The following CADM2 variants were observed in gnomAD, a reference collection of about 807,000 sequenced individuals.
The protein encoded by CADM2 is cell adhesion molecule 2.
In CADM2, 12 loss-of-function variants were observed where a neutral mutation model predicts 49.8. That is an observed-to-expected ratio of 0.24 (90% confidence interval 0.15 to 0.39). CADM2 has a LOEUF of 0.39. Among genes scored for constraint, CADM2 ranks in the 10% least tolerant of loss-of-function variants. CADM2 has a pLI of 1.00. For synonymous variants in CADM2, 214 were observed against 175.4 expected, an observed-to-expected ratio of 1.22 and a Z score of -1.74; for missense variants, 378 against 492.3, an observed-to-expected ratio of 0.77 and a Z score of 2.20.
intron 2 of CADM2, among the ~76,000 whole-genome samples, chr3:85,780,452 T>G (rs2070578658): frequency 6.6e-6 from 1 of 152,210 alleles, no homozygotes; most frequent in African/African-American, 2.4e-5. Flanking sequence ...TGATACTAAC[T>G]TATATGTCAT....
At chr3:85,652,773 T>C (rs958657809) in intron 1 of CADM2, among the ~76,000 whole-genome samples, 1 of 70,882 alleles carries the variant, frequency 1.4e-5, no homozygotes, top group Non-Finnish European at 2.6e-5. Flanking sequence ...TTTTCTTTTC[T>C]TTTTTTTTTT....
At position 85,090,500 on chromosome 3, in the gene CADM2, T is replaced by C. The variant is rs555794243; in HGVS notation, c.61+130832T>C. On this transcript the variant is annotated intron_variant, in intron 1 of 9. Coordinates refer to ENST00000383699, the MANE Select transcript of CADM2 (RefSeq NM_001167675.2). ...CTATGCACTAATAATAATAACAGAA[T>C]AGATACAAAATATTTTTTCTTAGCC... Among the ~76,000 whole-genome samples the C allele has an allele frequency of 2.0e-4, 31 of 152,332 alleles. No homozygotes were observed. The South Asian group carries it at 4.1e-3, about 20-fold the overall frequency.
chr3:85,434,943 T>G (rs1214667146), intron 1 of CADM2, among the ~76,000 whole-genome samples: 1 of 152,152 alleles, frequency 6.6e-6, no homozygotes, highest in African/African-American at 2.4e-5. Flanking sequence ...TACTAGTATA[T>G]AATGATTGTT....
chr3:85,198,277 A>G (rs937369675), intron 1 of CADM2, among the ~76,000 whole-genome samples: 1 of 151,816 alleles, frequency 6.6e-6, no homozygotes, highest in African/African-American at 2.4e-5. Flanking sequence ...ATCAGTTCAC[A>G]TTTTCAAAAT....
chr3:85,168,812 G>T (rs2040541466), intron 1 of CADM2, among the ~76,000 whole-genome samples: 1 of 151,980 alleles, frequency 6.6e-6, no homozygotes, highest in Admixed American at 6.6e-5. Flanking sequence ...GCATTTCTTA[G>T]TGGAATATTA....
At chr3:85,545,799 A>C (rs530473944) in intron 1 of CADM2, among the ~76,000 whole-genome samples, 62 of 152,296 alleles carry the variant, frequency 4.1e-4, no homozygotes, top group African/African-American at 1.4e-3. Context: ...CCTTCTAGGG[A>C]AAAAAGTAAA....
At chr3:85,171,610 A>G (rs1232554406) in intron 1 of CADM2, among the ~76,000 whole-genome samples, 1 of 152,204 alleles carries the variant, frequency 6.6e-6, no homozygotes, top group Non-Finnish European at 1.5e-5. Context: ...CATAATGTAG[A>G]GATCGTGCTC....
chr3:85,987,605 AATTATAATT>A (rs1273409349), intron 8 of CADM2, among the ~76,000 whole-genome samples: 1 of 147,026 alleles, frequency 6.8e-6, no homozygotes, highest in Non-Finnish European at 1.5e-5. Flanking sequence ...TGTTATAATA[AATTATAATT>A]ATTATAATTA....
intron 1 of CADM2, among the ~76,000 whole-genome samples, chr3:85,607,007 A>G (rs974373204): frequency 1.4e-4 from 22 of 152,168 alleles, no homozygotes; most frequent in African/African-American, 5.3e-4. Flanking sequence ...ACATTGTATA[A>G]GTATTTCAAT....
chr3:85,768,036 GTTC>G (rs1310382442), intron 2 of CADM2, among the ~76,000 whole-genome samples: 1 of 152,026 alleles, frequency 6.6e-6, no homozygotes, highest in Non-Finnish European at 1.5e-5. Context: ...ATCTTTTTAA[GTTC>G]TTCTTTCTTA....
At chr3:85,343,403 C>A (rs1345062979) in intron 1 of CADM2, among the ~76,000 whole-genome samples, 1 of 152,062 alleles carries the variant, frequency 6.6e-6, no homozygotes, top group Admixed American at 6.6e-5. Context: ...CGCTTAACTC[C>A]CATTCTAGAG....
At chr3:85,233,865 A>T (rs924155003) in intron 1 of CADM2, among the ~76,000 whole-genome samples, 1 of 152,076 alleles carries the variant, frequency 6.6e-6, no homozygotes. Flanking sequence ...CAAAGTATTG[A>T]TTCATAGTAA....
intron 1 of CADM2, among the ~76,000 whole-genome samples, chr3:85,205,783 T>C (rs2041617120): frequency 6.6e-6 from 1 of 152,148 alleles, no homozygotes; most frequent in Non-Finnish European, 1.5e-5. Flanking sequence ...ACATGAGTAT[T>C]TAATTTGGAG....
At chr3:86,049,441 A>T (rs71626894) in intron 8 of CADM2, among the ~76,000 whole-genome samples, 26,480 of 151,248 alleles carry the variant, frequency 0.18, 2,345 homozygotes, top group South Asian at 0.24. Context: ...CGCCCGGCTA[A>T]TTTTTTGTAT....
intron 1 of CADM2, among the ~76,000 whole-genome samples, chr3:85,098,140 T>A (rs2037873314): frequency 6.6e-6 from 1 of 152,016 alleles, no homozygotes; most frequent in Admixed American, 6.6e-5. Flanking sequence ...GATAAAAGCA[T>A]CTGTAGTGCA....
chr3:85,626,487 A>G (rs1442036299), intron 1 of CADM2, among the ~76,000 whole-genome samples: 2 of 151,880 alleles, frequency 1.3e-5, no homozygotes, highest in African/African-American at 4.8e-5. Context: ...GTCTTCTCAC[A>G]CTTGGAAAGT....
chr3:85,630,688 G>T (rs2064281369), intron 1 of CADM2, among the ~76,000 whole-genome samples: 1 of 151,990 alleles, frequency 6.6e-6, no homozygotes. Context: ...TTTGTATCAA[G>T]AATTACTTTA....
At chr3:85,850,289 C>T (rs1377267359) in intron 3 of CADM2, among the ~76,000 whole-genome samples, 1 of 148,064 alleles carries the variant, frequency 6.8e-6, no homozygotes, top group Non-Finnish European at 1.5e-5. Flanking sequence ...TACCTAACTG[C>T]TCTCTGTTCT....
chr3:85,020,242 G>C (rs1373747203), intron 1 of CADM2, among the ~76,000 whole-genome samples: 2 of 152,036 alleles, frequency 1.3e-5, no homozygotes, highest in African/African-American at 4.8e-5. Flanking sequence ...AATTACAGCT[G>C]AAAATATCAG....
Sources: gnomAD v4.1 joint callset for allele counts (sites outside exome capture counted in the v4.1 genomes callset) on GRCh38, gnomAD v4.1.1 for gene constraint, MANE v1.5 for transcripts, NCBI Gene and HGNC (gene_info 2026-07-23, HGNC 2026-07-21) for gene names.